Variants in TMEM132C observed in about 807,000 individuals in gnomAD.
The protein encoded by TMEM132C is protein phosphatase 1, regulatory subunit 152.
Under a neutral mutation model 61.4 loss-of-function variants are expected in TMEM132C, and 29 were observed. The ratio of observed to expected loss-of-function variants is 0.47; its 90% CI spans 0.35 to 0.64. The LOEUF is 0.64. Among genes scored for constraint, TMEM132C ranks in the 30% least tolerant of loss-of-function variants. The probability of loss-of-function intolerance (pLI) is 0.00; values close to 1 mark genes in which losing one functional copy is unlikely to be tolerated. For missense variants in TMEM132C, 1,408 were observed against 1,476.9 expected (o/e 0.95, Z 0.76); for synonymous variants, 656 against 633.1 (o/e 1.04, Z -0.54).
intron 2 of TMEM132C, among the ~76,000 whole-genome samples, chr12:128,516,420 T>G (rs993490355): frequency 3.3e-5 from 5 of 152,028 alleles, no homozygotes; most frequent in Non-Finnish European, 2.9e-5. Flanking sequence ...GCGGGCAACT[T>G]AATTCATGGT....
chr12:128,468,220 G>A (rs1029220424), intron 2 of TMEM132C, among the ~76,000 whole-genome samples: 9 of 152,170 alleles, frequency 5.9e-5, no homozygotes, highest in East Asian at 1.9e-4. Context: ...AGTTAGAAGC[G>A]TAGCCTGAAG....
intron 2 of TMEM132C, among the ~76,000 whole-genome samples, chr12:128,462,570 G>T (rs1207973365): frequency 6.6e-6 from 1 of 152,212 alleles, no homozygotes; most frequent in African/African-American, 2.4e-5. Flanking sequence ...CCACGGTGAA[G>T]ACATGAAAGG....
chr12:128,492,246 A>G (rs192490819), intron 2 of TMEM132C, among the ~76,000 whole-genome samples: 5 of 152,288 alleles, frequency 3.3e-5, no homozygotes, highest in African/African-American at 9.6e-5. Flanking sequence ...AATTCAGTCT[A>G]TCATTGATGG....
At chr12:128,282,263 A>G (rs1870921278) in intron 1 of TMEM132C, among the ~76,000 whole-genome samples, 1 of 152,212 alleles carries the variant, frequency 6.6e-6, no homozygotes, top group Admixed American at 6.5e-5. Flanking sequence ...ATTACCACAC[A>G]ATACTGTTGT....
chr12:128,531,138 G>A (rs10161384), intron 2 of TMEM132C, among the ~76,000 whole-genome samples: 35,927 of 152,068 alleles, frequency 0.24, 5,431 homozygotes, highest in East Asian at 0.4. Flanking sequence ...AGTTTTTGCT[G>A]TAGGAGTAGC....
rs149264178 is a variant in TMEM132C, at chr12:128,512,031, G to A, written c.975-31926G>A. Among the ~76,000 whole-genome samples the A allele has an allele frequency of 3.0e-4, 45 of 151,610 alleles. No homozygotes were observed. In the East Asian group the frequency reaches 8.7e-3, roughly 29 times the overall value. ...TGTGTCGGTCCAAGCACAACCCAAG[G>A]CCCCTCGAGCTCCGCCCCTGTCGGC... On this transcript the variant is annotated intron_variant, in intron 2 of 8. Transcript: ENST00000435159.
chr12:128,314,072 A>C (rs1277794941), intron 1 of TMEM132C, among the ~76,000 whole-genome samples: 2 of 152,198 alleles, frequency 1.3e-5, no homozygotes, highest in Non-Finnish European at 2.9e-5. Flanking sequence ...CCTGGGAGAC[A>C]CTTGAATTTG....
intron 3 of TMEM132C, among the ~76,000 whole-genome samples, chr12:128,604,453 T>C (rs139001194): frequency 9.5e-5 from 12 of 126,058 alleles, no homozygotes; most frequent in African/African-American, 3.7e-4. Flanking sequence ...AGATAGATAA[T>C]AGATGGATAG....
At chr12:128,340,488 A>T (rs936213303) in intron 1 of TMEM132C, among the ~76,000 whole-genome samples, 1 of 152,166 alleles carries the variant, frequency 6.6e-6, no homozygotes, top group Middle Eastern at 3.2e-3. Context: ...ACTAGTAGGG[A>T]AAAAAGTAAG....
At position 128,706,587 on chromosome 12, in the gene TMEM132C, C is replaced by T. The variant is rs1395445658; in HGVS notation, c.*292C>T. On this transcript the variant is annotated 3_prime_UTR_variant, in exon 9 of 9. Coordinates refer to ENST00000435159, the MANE Select transcript of TMEM132C (RefSeq NM_001136103.3). ...AGGAAGGTTATTTTATGAGTCAAAA[C>T]ATACTACAGACAAGCTACCAAAAAT... The T allele has an allele frequency of 1.0e-5, 3 of 293,728 alleles. No individual in the cohort carries two copies. The East Asian group carries it at 1.7e-4, about 17-fold the overall frequency. The allele number at this position is 293,728 out of a possible 1,614,324, so 18.2% of individuals were successfully genotyped here.
intron 2 of TMEM132C, among the ~76,000 whole-genome samples, chr12:128,536,229 A>G (rs1439728280): frequency 6.6e-6 from 1 of 152,270 alleles, no homozygotes; most frequent in Non-Finnish European, 1.5e-5. Context: ...GGATGAGTTC[A>G]TGTCCTTTGC....
At chr12:128,419,575 GTTTT>G (rs72349303) in intron 2 of TMEM132C, among the ~76,000 whole-genome samples, 56 of 136,184 alleles carry the variant, frequency 4.1e-4, no homozygotes, top group Non-Finnish European at 6.0e-4. Flanking sequence ...TACTAATCTT[GTTTT>G]TTTTTTTTTT....
chr12:128,639,225 C>T (rs1458606661), intron 4 of TMEM132C, among the ~76,000 whole-genome samples: 1 of 128,854 alleles, frequency 7.8e-6, no homozygotes, highest in Admixed American at 7.9e-5. Flanking sequence ...ATGATAATGA[C>T]AATGGTGATG....
chr12:128,604,457 T>TAATAGAA (rs1876335334), intron 3 of TMEM132C, among the ~76,000 whole-genome samples: 1 of 136,322 alleles, frequency 7.3e-6, no homozygotes, highest in Non-Finnish European at 1.6e-5. Context: ...AGATAATAGA[T>TAATAGAA]GGATAGATAG....
chr12:128,527,743 T>C (rs560046495), intron 2 of TMEM132C, among the ~76,000 whole-genome samples: 1 of 149,092 alleles, frequency 6.7e-6, no homozygotes, highest in Admixed American at 6.6e-5. Context: ...GTTACATCCA[T>C]ACCATTTCCC....
At chr12:128,601,745 C>T (rs1876201242) in intron 3 of TMEM132C, among the ~76,000 whole-genome samples, 1 of 142,584 alleles carries the variant, frequency 7.0e-6, no homozygotes, top group Non-Finnish European at 1.5e-5. Flanking sequence ...GGTGGAGGGA[C>T]AGCTTATTAT....
chr12:128,651,657 A>T (rs187842886), intron 4 of TMEM132C, among the ~76,000 whole-genome samples: 1 of 152,252 alleles, frequency 6.6e-6, no homozygotes, highest in East Asian at 1.9e-4. Flanking sequence ...TCAAAGCTGA[A>T]ATAAAACAAT....
intron 2 of TMEM132C, among the ~76,000 whole-genome samples, chr12:128,498,007 C>T (rs1039556312): frequency 3.3e-5 from 5 of 152,200 alleles, no homozygotes; most frequent in African/African-American, 1.2e-4. Context: ...AGAGAAACTT[C>T]AAATGGATTC....
intron 1 of TMEM132C, among the ~76,000 whole-genome samples, chr12:128,410,025 T>C (rs1565927778): frequency 6.6e-6 from 1 of 152,152 alleles, no homozygotes; most frequent in Non-Finnish European, 1.5e-5. Context: ...TCATTATTTT[T>C]GAGTAACATG....
Sources: gnomAD v4.1 joint callset for allele counts (sites outside exome capture counted in the v4.1 genomes callset) on GRCh38, gnomAD v4.1.1 for gene constraint, MANE v1.5 for transcripts, NCBI Gene and HGNC (gene_info 2026-07-23, HGNC 2026-07-21) for gene names.